Variants in NALF1 observed in about 807,000 individuals in gnomAD.
The protein encoded by NALF1 is family with sequence similarity 155 member A.
A neutral mutation model predicts 48.4 loss-of-function variants in NALF1; 3 were observed. The observed-to-expected ratio is 0.06, with a 90% CI of 0.03 to 0.16. The LOEUF (loss-of-function observed/expected upper bound fraction) is 0.16, where lower values mean the gene tolerates loss of function less well. NALF1 is among the 10% of genes least tolerant of loss of function. NALF1 has a pLI of 1.00. For missense variants in NALF1, 526 were observed against 571.5 expected, an observed-to-expected ratio of 0.92 and a Z score of 0.81; for synonymous variants, 262 against 245.7, an observed-to-expected ratio of 1.07 and a Z score of -0.62.
rs756515049 is a variant in NALF1, at chr13:107,866,338, T to TCTGCTGCTGCTGCTGCTGCTG, written c.238_258dup (p.Gln80_Gln86dup). On this transcript the variant is annotated inframe_insertion, in exon 1 of 3. Coordinates refer to ENST00000375915, the MANE Select transcript of NALF1 (RefSeq NM_001080396.3). This position sits in a 1 kb window ranked among gnomAD's most constrained non-coding sequence, Gnocchi z 4.4. ...TGCTGCTGCTGCTGCTGCCGCTGCC[T>TCTGCTGCTGCTGCTGCTGCTG]CTGCTGCTGCTGCTGCTGCTGCTGC... 1.3e-6 allele frequency: 2 copies of TCTGCTGCTGCTGCTGCTGCTG among 1,598,644 alleles called. No individual in the cohort carries two copies. Among genetic ancestry groups the TCTGCTGCTGCTGCTGCTGCTG allele is most frequent in the Non-Finnish European group, 8.5e-7 (1 of 1,172,240 alleles).
chr13:107,669,651 C>T (rs1486200820), intron 1 of NALF1, among the ~76,000 whole-genome samples: 1 of 152,100 alleles, frequency 6.6e-6, no homozygotes, highest in African/African-American at 2.4e-5. Context: ...AGAGATGAAC[C>T]GCATGAGAGC....
chr13:107,209,337 T>C (rs1166570289), intron 2 of NALF1, among the ~76,000 whole-genome samples: 2 of 151,940 alleles, frequency 1.3e-5, no homozygotes, highest in Non-Finnish European at 2.9e-5. Flanking sequence ...TGAAACACCG[T>C]CTCTACTAAA....
At chr13:107,706,978 A>G (rs1306970515) in intron 1 of NALF1, among the ~76,000 whole-genome samples, 3 of 119,156 alleles carry the variant, frequency 2.5e-5, no homozygotes, top group South Asian at 2.9e-4. Flanking sequence ...GCTGGAGTGC[A>G]GTGGCGTGAT....
At chr13:107,603,879 G>A (rs1167461076) in intron 1 of NALF1, among the ~76,000 whole-genome samples, 2 of 152,174 alleles carry the variant, frequency 1.3e-5, no homozygotes, top group Non-Finnish European at 2.9e-5. Flanking sequence ...TGCATGAGGA[G>A]ATTGTTCCAC....
In NALF1 at chr13:107,164,814, G is replaced by T. The variant is rs1878626319; in HGVS notation, c.*5683C>A. 1 of 152,056 alleles carries T rather than the reference G, an allele frequency of 6.6e-6. No homozygotes were observed. Among genetic ancestry groups the T allele is most frequent in the Non-Finnish European group, 1.5e-5 (1 of 68,020 alleles). 9.4% of individuals were successfully genotyped at this position (152,056 alleles called of 1,614,324 possible). Reference sequence around the variant, plus strand: ...GTTGTTAAAAAAAAAATGTAATTAAGAGATAAGCCAAAGAAATTCAGAAAC... The same window carrying T: ...GTTGTTAAAAAAAAAATGTAATTAATAGATAAGCCAAAGAAATTCAGAAAC... On this transcript the variant is annotated 3_prime_UTR_variant, in exon 3 of 3. Coordinates refer to ENST00000375915, the MANE Select transcript of NALF1 (RefSeq NM_001080396.3).
At chr13:107,735,502 G>A (rs939540042) in intron 1 of NALF1, among the ~76,000 whole-genome samples, 2 of 152,150 alleles carry the variant, frequency 1.3e-5, no homozygotes, top group Non-Finnish European at 2.9e-5. Flanking sequence ...AAACTCACCT[G>A]TAAATTCCCC....
chr13:107,325,784 T>C (rs1882340157), intron 1 of NALF1, among the ~76,000 whole-genome samples: 1 of 144,426 alleles, frequency 6.9e-6, no homozygotes, highest in African/African-American at 2.6e-5. Flanking sequence ...GAAGTTGTAG[T>C]GAAGCAAGAG....
At chr13:107,367,660 A>C (rs529395278) in intron 1 of NALF1, among the ~76,000 whole-genome samples, 3 of 152,320 alleles carry the variant, frequency 2.0e-5, no homozygotes, top group African/African-American at 4.8e-5. Context: ...ACTTGCTGGA[A>C]GGGCTACACG....
intron 1 of NALF1, among the ~76,000 whole-genome samples, chr13:107,716,536 A>G (rs1043336139): frequency 6.6e-6 from 1 of 152,214 alleles, no homozygotes; most frequent in African/African-American, 2.4e-5. Flanking sequence ...TTGTTGGGCC[A>G]CTGCTTTCTC....
chr13:107,474,062 CA>C (rs1885141502), intron 1 of NALF1, among the ~76,000 whole-genome samples: 2 of 152,204 alleles, frequency 1.3e-5, no homozygotes, highest in African/African-American at 4.8e-5. Flanking sequence ...CTTCTTCTCT[CA>C]AGTGTTGCTC....
chr13:107,504,192 A>C (rs1455658507), intron 1 of NALF1, among the ~76,000 whole-genome samples: 2 of 150,694 alleles, frequency 1.3e-5, no homozygotes, highest in Admixed American at 1.3e-4. Context: ...CAGAGGTTTC[A>C]GTGAGCTGAG....
intron 1 of NALF1, among the ~76,000 whole-genome samples, chr13:107,629,137 A>T (rs1879762335): frequency 6.6e-6 from 1 of 152,198 alleles, no homozygotes; most frequent in South Asian, 2.1e-4. Context: ...AAATTTCTGG[A>T]CATATAATTG....
At chr13:107,572,271 A>G (rs770244399) in intron 1 of NALF1, among the ~76,000 whole-genome samples, 1 of 152,124 alleles carries the variant, frequency 6.6e-6, no homozygotes, top group Non-Finnish European at 1.5e-5. Flanking sequence ...ATTTTTTTCA[A>G]CGACCTTCTG....
rs143786483 is a variant in NALF1, at chr13:107,623,112, T to G, written c.915+242570A>C. Among the ~76,000 whole-genome samples the G allele has an allele frequency of 2.1e-3, 327 of 152,280 alleles. 3 individuals carry two copies. The highest frequency in any genetic ancestry group is 7.5e-3 in the African/African-American group (312 of 41,546). On this transcript the variant is annotated intron_variant, in intron 1 of 2. Coordinates refer to ENST00000375915, the MANE Select transcript of NALF1 (RefSeq NM_001080396.3). ...ATTATAATGGTGTCAGTCACCTAGA[T>G]CTATAACTCCCTCATAATTTTGCAT...
intron 1 of NALF1, among the ~76,000 whole-genome samples, chr13:107,381,423 C>T (rs988613971): frequency 1.3e-5 from 2 of 151,944 alleles, no homozygotes; most frequent in Non-Finnish European, 2.9e-5. Flanking sequence ...GTCTTGAACT[C>T]CTGGGCTCAA....
At chr13:107,361,886 C>G (rs1472883689) in intron 1 of NALF1, among the ~76,000 whole-genome samples, 2 of 152,138 alleles carry the variant, frequency 1.3e-5, no homozygotes, top group Non-Finnish European at 2.9e-5. Flanking sequence ...AGATGATTCA[C>G]TTTAGGCAAT....
Position 107,196,418 on chromosome 13 carries a change from G to A in NALF1, c.1087+14166C>T, listed in dbSNP as rs1457661543. 3.3e-5 allele frequency among the ~76,000 whole-genome samples: 5 copies of A among 152,160 alleles called. No individual in the cohort carries two copies. The East Asian group carries it at 9.6e-4, about 29-fold the overall frequency. On this transcript the variant is annotated intron_variant, in intron 2 of 2. Coordinates refer to ENST00000375915, the MANE Select transcript of NALF1 (RefSeq NM_001080396.3). ...GTGAAAAGAAAAAGCATTCTCAACA[G>A]CCAAGATGTAGAAACAATTAGAGTG...
At chr13:107,178,332 A>G (rs368285127) in intron 2 of NALF1, among the ~76,000 whole-genome samples, 178 of 152,354 alleles carry the variant, frequency 1.2e-3, no homozygotes, top group African/African-American at 3.8e-3. Context: ...AGCAGAATAC[A>G]TAAGGGGCTG....
chr13:107,495,053 C>T (rs1418469739), intron 1 of NALF1, among the ~76,000 whole-genome samples: 1 of 152,218 alleles, frequency 6.6e-6, no homozygotes, highest in Admixed American at 6.5e-5. Context: ...GAGCACACCA[C>T]ACAAATGGAT....
Sources: gnomAD v4.1 joint callset for allele counts (sites outside exome capture counted in the v4.1 genomes callset) on GRCh38, gnomAD v4.1.1 for gene constraint, Gnocchi (gnomAD v3.1) non-coding constraint, MANE v1.5 for transcripts, NCBI Gene and HGNC (gene_info 2026-07-23, HGNC 2026-07-21) for gene names.